The following C3orf22 variants were observed in gnomAD, a reference collection of about 807,000 sequenced individuals.
C3orf22 encodes chromosome 3 open reading frame 22.
A neutral mutation model predicts 10.8 loss-of-function variants in C3orf22; 7 were observed. The observed-to-expected ratio is 0.65, with a 90% CI of 0.37 to 1.22. The LOEUF is 1.22. Ranked by LOEUF, C3orf22 falls within the 50% of genes most tolerant of loss-of-function variation. The probability of loss-of-function intolerance (pLI) is 0.02; values close to 1 mark genes in which losing one functional copy is unlikely to be tolerated. For missense variants in C3orf22, 173 were observed against 177.0 expected (o/e 0.98, Z 0.13); for synonymous variants, 79 against 78.9 (o/e 1.00, Z 0.00).
At chr3:126,536,108 C>G (rs1245319625) in intron 4 of C3orf22, among the ~76,000 whole-genome samples, 1 of 152,108 alleles carries the variant, frequency 6.6e-6, no homozygotes, top group Non-Finnish European at 1.5e-5. Flanking sequence ...TTAGTACCCC[C>G]TGCCATCCCC....
At chr3:126,536,388 C>G (rs375884058) in intron 4 of C3orf22, 75 of 1,543,572 alleles carry the variant, frequency 4.9e-5, no homozygotes, top group Middle Eastern at 1.7e-4. Flanking sequence ...GGCATGCCCC[C>G]CTCCATCCCA....
chr3:126,529,011 T>A (rs1936592997), intron 5 of C3orf22: 38 of 341,994 alleles, frequency 1.1e-4, no homozygotes, highest in South Asian at 8.2e-4. Context: ...CCTGCTTATC[T>A]CCTCTTGCAA....
chr3:126,539,748 C>CCCCA (rs1553814416), intron 4 of C3orf22, among the ~76,000 whole-genome samples: 1 of 98,446 alleles, frequency 1.0e-5, no homozygotes, highest in Non-Finnish European at 2.0e-5. Flanking sequence ...ACACCCCACA[C>CCCCA]CACACACTCC....
intron 4 of C3orf22, chr3:126,536,341 T>G (rs748064873): frequency 1.2e-6 from 2 of 1,613,750 alleles, no homozygotes; most frequent in South Asian, 2.2e-5. Context: ...AGAAGCTCTA[T>G]GACCTGGATC....
chr3:126,546,197 G>C (rs867808513), downstream of C3orf22, among the ~76,000 whole-genome samples: 3 of 152,208 alleles, frequency 2.0e-5, no homozygotes, highest in African/African-American at 4.8e-5. Flanking sequence ...CTCTTGGCCT[G>C]GGCACAAGAA....
chr3:126,535,063 G>C (rs79582082), intron 4 of C3orf22, among the ~76,000 whole-genome samples: 2,148 of 83,952 alleles, frequency 0.026, 78 homozygotes, highest in Middle Eastern at 0.047. Flanking sequence ...CCGGGAGACA[G>C]ACAGACAGCA....
intron 4 of C3orf22, among the ~76,000 whole-genome samples, chr3:126,540,988 A>G (rs1332456096): frequency 1.3e-5 from 2 of 152,366 alleles, no homozygotes; most frequent in South Asian, 2.1e-4. Context: ...CTTGGAGATA[A>G]GAACCCCGGG....
intron 4 of C3orf22, chr3:126,541,639 C>T: frequency 8.2e-7 from 1 of 1,224,494 alleles, no homozygotes. Context: ...CTCCTGCTCC[C>T]AATTCCCGGG....
chr3:126,554,746 G>GT (rs1410841332), intron 1 of C3orf22, among the ~76,000 whole-genome samples: 1 of 152,190 alleles, frequency 6.6e-6, no homozygotes, highest in African/African-American at 2.4e-5. Context: ...CCTGAAGCAT[G>GT]TTGTGACAAT....
intron 4 of C3orf22, among the ~76,000 whole-genome samples, chr3:126,532,430 T>C (rs900908361): frequency 2.0e-5 from 3 of 151,856 alleles, no homozygotes; most frequent in Non-Finnish European, 2.9e-5. Context: ...TGATCCATTT[T>C]GAGTTAGTTT....
chr3:126,528,318 G>A (rs534833116), intron 5 of C3orf22, among the ~76,000 whole-genome samples: 1 of 152,200 alleles, frequency 6.6e-6, no homozygotes, highest in Non-Finnish European at 1.5e-5. Flanking sequence ...AAGGTTGCAG[G>A]GGTTACAGAA....
chr3:126,558,238 A>G (rs1381392052), intron 1 of C3orf22, among the ~76,000 whole-genome samples: 2 of 152,212 alleles, frequency 1.3e-5, no homozygotes, highest in African/African-American at 2.4e-5. Flanking sequence ...GAGGCTCCGG[A>G]AAGTTAACTG....
At chr3:126,545,058 C>T (rs887871105), downstream of C3orf22, among the ~76,000 whole-genome samples, 2 of 152,242 alleles carry the variant, frequency 1.3e-5, no homozygotes, top group Non-Finnish European at 2.9e-5. Flanking sequence ...GGCTGACCAC[C>T]CTGTGGGATC....
intron 4 of C3orf22, among the ~76,000 whole-genome samples, chr3:126,530,756 A>G (rs1314498619): frequency 6.6e-6 from 1 of 152,240 alleles, no homozygotes; most frequent in East Asian, 1.9e-4. Context: ...TTCCTGGGAC[A>G]TGTCCGGCAG....
chr3:126,529,235 G>T, exon 5 of C3orf22: 1 of 1,046,272 alleles, frequency 9.6e-7, no homozygotes, highest in Non-Finnish European at 1.3e-6. Flanking sequence ...CCGGTATCTT[G>T]ATTGGCAGAG....
downstream of C3orf22, among the ~76,000 whole-genome samples, chr3:126,548,130 C>T (rs1275413030): frequency 6.6e-6 from 1 of 152,182 alleles, no homozygotes; most frequent in Non-Finnish European, 1.5e-5. Context: ...GAGTAGCTGG[C>T]ATCACAGGCG....
At chr3:126,537,917 T>C (rs1936832357) in intron 4 of C3orf22, among the ~76,000 whole-genome samples, 2 of 152,200 alleles carry the variant, frequency 1.3e-5, no homozygotes, top group Admixed American at 1.3e-4. Flanking sequence ...AGAGCTTCTA[T>C]GGACTAGAGC....
chr3:126,540,615 C>T (rs73859520), intron 4 of C3orf22, among the ~76,000 whole-genome samples: 4,856 of 152,310 alleles, frequency 0.032, 251 homozygotes, highest in African/African-American at 0.11. Context: ...TGGCCGCATA[C>T]ATTTGCCCAC....
At chr3:126,557,746 T>G (rs1937385067) in intron 1 of C3orf22, among the ~76,000 whole-genome samples, 2 of 152,224 alleles carry the variant, frequency 1.3e-5, no homozygotes, top group Admixed American at 6.5e-5. Context: ...CCAGAAATAC[T>G]GCCAGCCCTG....
Sources: allele counts gnomAD v4.1 joint callset (sites outside exome capture counted in the v4.1 genomes callset), GRCh38; gene constraint gnomAD v4.1.1; transcripts MANE v1.5; gene names NCBI Gene and HGNC (gene_info 2026-07-23, HGNC 2026-07-21).